The following USP12 variants were observed in gnomAD, a reference collection of about 807,000 sequenced individuals.
USP12 encodes the protein ubiquitin carboxyl-terminal hydrolase 12.
Under a neutral mutation model 45.5 loss-of-function variants are expected in USP12, and 19 were observed. The ratio of observed to expected loss-of-function variants is 0.42; its 90% confidence interval spans 0.29 to 0.61. The LOEUF (loss-of-function observed/expected upper bound fraction) is 0.61. USP12 is among the 20% of genes least tolerant of loss of function. The probability of loss-of-function intolerance (pLI) is 0.22; values close to 1 mark genes in which losing one functional copy is unlikely to be tolerated. For missense variants in USP12, 242 were observed against 447.7 expected (o/e 0.54, Z 4.15); for synonymous variants, 149 against 148.8 (o/e 1.00, Z -0.01).
At chr13:27,076,379 T>C (rs1266446555) in intron 6 of USP12, among the ~76,000 whole-genome samples, 1 of 152,210 alleles carries the variant, frequency 6.6e-6, no homozygotes, top group Non-Finnish European at 1.5e-5. Flanking sequence ...GAGAGTGCCT[T>C]TGTACTCCTA....
chr13:27,089,757 CTG>C, intron 6 of USP12, 124 bp downstream of exon 6: 1 of 826,218 alleles, frequency 1.2e-6, no homozygotes. Context: ...TGAACATTAA[CTG>C]TTAGTGATAG....
chr13:27,109,912 C>CAAAAAAAAAAAAA (rs58500654), intron 2 of USP12, among the ~76,000 whole-genome samples: 9 of 108,346 alleles, frequency 8.3e-5, no homozygotes, highest in Admixed American at 6.5e-4. Context: ...ACTCTGTCTC[C>CAAAAAAAAAAAAA]AAAAAAAAAA....
At chr13:27,121,306 T>TA (rs201772631) in intron 1 of USP12, among the ~76,000 whole-genome samples, 4,326 of 134,116 alleles carry the variant, frequency 0.032, 111 homozygotes, top group African/African-American at 0.078. Flanking sequence ...TATGTGATCT[T>TA]AAAAAAAAAA....
At position 27,116,600 on chromosome 13, in the gene USP12, T is replaced by C; in HGVS notation, c.49-4A>G. The C allele has an allele frequency of 1.9e-6, 3 of 1,609,702 alleles. No homozygotes were observed. The highest frequency in any genetic ancestry group is 2.5e-6 in the Non-Finnish European group (3 of 1,179,222). On this transcript the variant is annotated splice_region_variant and splice_polypyrimidine_tract_variant and intron_variant, in intron 1 of 8. Transcript: ENST00000282344. The stretch of plus-strand genomic sequence containing the variant: ...CTAATGCCGAAGCATTGGCGCCCTA[T>C]AAAATGAAAAACAAAAATCTTAGTA...
chr13:27,101,262 G>A (rs985716673), intron 3 of USP12, among the ~76,000 whole-genome samples: 1 of 152,170 alleles, frequency 6.6e-6, no homozygotes, highest in Non-Finnish European at 1.5e-5. Flanking sequence ...TTTTAAAAGC[G>A]TCAACCAGGA....
At chr13:27,149,115 CA>C (rs1260298343) in intron 1 of USP12, among the ~76,000 whole-genome samples, 1 of 152,068 alleles carries the variant, frequency 6.6e-6, no homozygotes, top group Non-Finnish European at 1.5e-5. Flanking sequence ...ACCCAGAAGG[CA>C]GGGGTGTGGT....
At chr13:27,134,962 A>T (rs1173629135) in intron 1 of USP12, among the ~76,000 whole-genome samples, 1 of 152,230 alleles carries the variant, frequency 6.6e-6, no homozygotes, top group Admixed American at 6.5e-5. Flanking sequence ...GATGCTGAAG[A>T]TATCTATGAA....
rs189754089 is a variant in USP12, at chr13:27,078,615, C to T, written c.735-3227G>A. Among the ~76,000 whole-genome samples, 10 of 151,240 alleles carry T rather than the reference C, an allele frequency of 6.6e-5. No individual in the cohort carries two copies. In the East Asian group the frequency reaches 1.9e-3, roughly 29 times the overall value. On this transcript the variant is annotated intron_variant, in intron 6 of 8. Transcript: ENST00000282344. ...ACTAATCCTAAGTAAACTGGCTATACTAATGTCAGACAAAGCATACAAGAT... is the reference window on the plus strand; with the variant it reads ...ACTAATCCTAAGTAAACTGGCTATATTAATGTCAGACAAAGCATACAAGAT...
chr13:27,127,289 A>G (rs75196045), intron 1 of USP12, among the ~76,000 whole-genome samples: 2,636 of 152,312 alleles, frequency 0.017, 49 homozygotes, highest in Non-Finnish European at 0.022. Flanking sequence ...GAAGCTTGCA[A>G]AAGGCTTAAA....
intron 1 of USP12, chr13:27,117,783 C>A (rs761670596): frequency 3.9e-6 from 2 of 518,234 alleles, no homozygotes; most frequent in Non-Finnish European, 7.7e-6. Context: ...ACAATCATAG[C>A]GTGTCACAGT....
At chr13:27,171,261 T>C (rs929311093) in intron 1 of USP12, among the ~76,000 whole-genome samples, 1 of 148,992 alleles carries the variant, frequency 6.7e-6, no homozygotes, top group African/African-American at 2.5e-5. Flanking sequence ...CGTCCCCGCG[T>C]CCCGAGCGGA....
intron 1 of USP12, among the ~76,000 whole-genome samples, chr13:27,145,048 G>C (rs1196600544): frequency 6.6e-6 from 1 of 152,146 alleles, no homozygotes. Flanking sequence ...GCCTGGGCTG[G>C]ACCCTGCAGC....
chr13:27,104,305 A>G (rs1033761035), intron 3 of USP12, among the ~76,000 whole-genome samples: 2 of 152,244 alleles, frequency 1.3e-5, no homozygotes, highest in South Asian at 2.1e-4. Flanking sequence ...TGCTGGGATT[A>G]TAGGTGTGAG....
At chr13:27,167,852 T>C (rs1399151133) in intron 1 of USP12, among the ~76,000 whole-genome samples, 1 of 152,166 alleles carries the variant, frequency 6.6e-6, no homozygotes, top group Non-Finnish European at 1.5e-5. Flanking sequence ...TTCCTTTTTT[T>C]CAGTAGTAAG....
chr13:27,139,425 G>T (rs1010107014), intron 1 of USP12, among the ~76,000 whole-genome samples: 1 of 152,178 alleles, frequency 6.6e-6, no homozygotes, highest in East Asian at 1.9e-4. Context: ...AGACCAGCCT[G>T]GGCAACATGG....
chr13:27,137,133 G>A (rs1241456151), intron 1 of USP12, among the ~76,000 whole-genome samples: 1 of 152,194 alleles, frequency 6.6e-6, no homozygotes, highest in Non-Finnish European at 1.5e-5. Flanking sequence ...TAGGTGATGT[G>A]TGCCAGTAGT....
At chr13:27,168,586 A>C (rs1878449939) in intron 1 of USP12, among the ~76,000 whole-genome samples, 1 of 152,234 alleles carries the variant, frequency 6.6e-6, no homozygotes, top group Non-Finnish European at 1.5e-5. Context: ...CTTCAAAGGC[A>C]AAATAAACAC....
intron 1 of USP12, among the ~76,000 whole-genome samples, chr13:27,162,037 A>T (rs1878133692): frequency 6.6e-6 from 1 of 152,234 alleles, no homozygotes; most frequent in Non-Finnish European, 1.5e-5. Context: ...TGTCAAAGGT[A>T]ACTTGTGAGC....
chr13:27,165,057 T>C (rs918461175), intron 1 of USP12, among the ~76,000 whole-genome samples: 7 of 28,820 alleles, frequency 2.4e-4, no homozygotes, highest in Non-Finnish European at 4.8e-4. Context: ...CTGGTGTGCT[T>C]TTTTTTTTTT....
Sources: allele counts gnomAD v4.1 joint callset (sites outside exome capture counted in the v4.1 genomes callset), GRCh38; gene constraint gnomAD v4.1.1; transcripts MANE v1.5; gene names NCBI Gene and HGNC (gene_info 2026-07-23, HGNC 2026-07-21).